Variants in FUT9 observed in about 807,000 individuals in gnomAD.
The protein encoded by FUT9 is fucosyltransferase 9.
FUT9 carries 15 observed loss-of-function variants against 29.7 expected under a neutral mutation model. The observed-to-expected ratio is 0.51, with a 90% CI of 0.34 to 0.78. The LOEUF is 0.78. FUT9 is among the 30% of genes least tolerant of loss of function. FUT9 has a pLI of 0.01. For missense variants in FUT9, 319 were observed against 425.4 expected, an observed-to-expected ratio of 0.75 and a Z score of 2.20; for synonymous variants, 169 against 153.7, an observed-to-expected ratio of 1.10 and a Z score of -0.74.
intron 1 of FUT9, among the ~76,000 whole-genome samples, chr6:96,052,465 T>C (rs1031497873): frequency 6.6e-6 from 1 of 152,184 alleles, no homozygotes; most frequent in Admixed American, 6.5e-5. Context: ...TCTTGGAAAA[T>C]GCATCACAAG....
chr6:96,145,501 G>A (rs1258306739), intron 2 of FUT9, among the ~76,000 whole-genome samples: 3 of 152,162 alleles, frequency 2.0e-5, no homozygotes, highest in Non-Finnish European at 2.9e-5. Context: ...GTTTGGAAAG[G>A]GGTAAAGTAA....
intron 2 of FUT9, among the ~76,000 whole-genome samples, chr6:96,182,889 G>C (rs1773335359): frequency 6.6e-6 from 1 of 152,076 alleles, no homozygotes; most frequent in Non-Finnish European, 1.5e-5. Flanking sequence ...CTCCAGATTT[G>C]TTCTTTTTGC....
chr6:96,058,548 T>C (rs553105315), intron 1 of FUT9, among the ~76,000 whole-genome samples: 79 of 149,138 alleles, frequency 5.3e-4, no homozygotes, highest in African/African-American at 1.9e-3. Flanking sequence ...GAAGACCTAA[T>C]GCAGTAGAAT....
intron 2 of FUT9, among the ~76,000 whole-genome samples, chr6:96,141,267 T>A (rs1383592758): frequency 6.6e-6 from 1 of 152,226 alleles, no homozygotes; most frequent in African/African-American, 2.4e-5. Flanking sequence ...GGCTTTTGTA[T>A]CATTTTTCCA....
At chr6:96,040,791 G>C (rs1280240640) in intron 1 of FUT9, among the ~76,000 whole-genome samples, 1 of 152,124 alleles carries the variant, frequency 6.6e-6, no homozygotes, top group African/African-American at 2.4e-5. Flanking sequence ...CCCTGGATTT[G>C]GCTTAGTGGT....
Position 96,203,469 on chromosome 6 carries a change from C to A in FUT9, c.314C>A (p.Ala105Glu). ...CGTTCACTGTACAACAAATCCCATG[C>A]AGTTCTGATCCATCACCGAGACATC... The part of the protein sequence containing the change: ...TDRSLYNKSH[A>E]VLIHHRDISW... The change falls in exon 3 of 3, where the codon GCA becomes GAA. Residue 105 changes from alanine (A) to glutamate (E), a missense_variant. Physicochemically the swap from Ala to Glu is moderately radical, Grantham distance 107 (BLOSUM62 -1). Coordinates refer to ENST00000302103, the MANE Select transcript of FUT9 (RefSeq NM_006581.4). 6.2e-7 allele frequency: 1 copy of A among 1,608,876 alleles called. No individual in the cohort carries two copies. The highest frequency in any genetic ancestry group is 8.5e-7 in the Non-Finnish European group (1 of 1,177,248).
intron 1 of FUT9, among the ~76,000 whole-genome samples, chr6:96,020,203 T>C (rs1770043713): frequency 6.6e-6 from 1 of 152,170 alleles, no homozygotes; most frequent in Non-Finnish European, 1.5e-5. Flanking sequence ...TAATTTTTAT[T>C]AGAAATTCCT....
At chr6:96,083,055 C>A (rs1168852517) in intron 1 of FUT9, among the ~76,000 whole-genome samples, 1 of 152,032 alleles carries the variant, frequency 6.6e-6, no homozygotes, top group African/African-American at 2.4e-5. Context: ...CCCTATAGTC[C>A]ATTCTCCTTA....
chr6:96,018,254 C>T (rs1430573072), intron 1 of FUT9, among the ~76,000 whole-genome samples: 1 of 152,036 alleles, frequency 6.6e-6, no homozygotes, highest in Non-Finnish European at 1.5e-5. Flanking sequence ...GTATCAGAAT[C>T]GATACATCCC....
chr6:96,069,435 G>A (rs1400392188), intron 1 of FUT9, among the ~76,000 whole-genome samples: 15 of 151,614 alleles, frequency 9.9e-5, no homozygotes, highest in Non-Finnish European at 1.5e-5. Flanking sequence ...TGAGAAGATT[G>A]GAAAAAATCT....
intron 2 of FUT9, among the ~76,000 whole-genome samples, chr6:96,125,294 A>G (rs1447494506): frequency 1.3e-5 from 2 of 152,184 alleles, no homozygotes; most frequent in Non-Finnish European, 2.9e-5. Context: ...CATGAGGCCT[A>G]ATGTCAAAAG....
At chr6:96,141,200 CTG>C (rs1772456005) in intron 2 of FUT9, among the ~76,000 whole-genome samples, 1 of 152,210 alleles carries the variant, frequency 6.6e-6, no homozygotes, top group African/African-American at 2.4e-5. Context: ...ATTTTTATTA[CTG>C]TTTTTATACT....
intron 1 of FUT9, among the ~76,000 whole-genome samples, chr6:96,050,560 C>T (rs924193138): frequency 6.6e-6 from 1 of 152,210 alleles, no homozygotes; most frequent in African/African-American, 2.4e-5. Context: ...GGATATCTTG[C>T]TCTTGTCAAA....
At chr6:96,105,515 G>A (rs535808564) in intron 1 of FUT9, among the ~76,000 whole-genome samples, 1 of 152,208 alleles carries the variant, frequency 6.6e-6, no homozygotes, top group African/African-American at 2.4e-5. Context: ...GGACTAGTAT[G>A]TCTTCTTTGT....
chr6:96,194,405 A>G (rs1409207652), intron 2 of FUT9, among the ~76,000 whole-genome samples: 3 of 152,112 alleles, frequency 2.0e-5, no homozygotes. Context: ...TACTGTGAAC[A>G]AATTGAAAGG....
intron 2 of FUT9, 61 bp from the exon 3 acceptor site, chr6:96,203,087 A>G (rs1005513508): frequency 1.6e-6 from 2 of 1,257,298 alleles, no homozygotes; most frequent in Non-Finnish European, 1.1e-6. Flanking sequence ...TCTCCAATAT[A>G]TTTATGATTT....
rs550538041 is a variant in FUT9, at chr6:96,056,641, T to C, written c.-98+40429T>C. On this transcript the variant is annotated intron_variant, in intron 1 of 2. Transcript: ENST00000302103. ...GGCATGTGCCTGTAGTCCCAGGTACTTGCGAGGATGAAGCAGGAGGATCGC... is the reference window on the plus strand; with the variant it reads ...GGCATGTGCCTGTAGTCCCAGGTACCTGCGAGGATGAAGCAGGAGGATCGC... 1.9e-4 allele frequency among the ~76,000 whole-genome samples: 29 copies of C among 152,186 alleles called. 2 individuals carry two copies. In the South Asian group the frequency reaches 6.0e-3, roughly 32 times the overall value.
rs775591191 is a variant in FUT9 at position 96,205,337 on chromosome 6, A to G, written c.*1102A>G. On this transcript the variant is annotated 3_prime_UTR_variant, in exon 3 of 3. Transcript: ENST00000302103. ...AAACACACAGTGTTAGCACACAGTA[A>G]GATCTCAATGCACATTTGTTGGATG... The G allele has an allele frequency of 3.6e-5, 6 of 167,082 alleles. No homozygotes were observed. The highest frequency in any genetic ancestry group is 8.8e-5 in the Non-Finnish European group (6 of 68,096). 10.3% of individuals were successfully genotyped at this position (167,082 alleles called of 1,614,324 possible).
intron 2 of FUT9, among the ~76,000 whole-genome samples, chr6:96,147,978 G>C (rs1041382633): frequency 6.6e-6 from 1 of 151,598 alleles, no homozygotes; most frequent in Non-Finnish European, 1.5e-5. Flanking sequence ...GAGTACCGAA[G>C]CGAAAATTAG....
Sources: gnomAD v4.1 joint callset for allele counts (sites outside exome capture counted in the v4.1 genomes callset) on GRCh38, gnomAD v4.1.1 for gene constraint, MANE v1.5 for transcripts, NCBI Gene and HGNC (gene_info 2026-07-23, HGNC 2026-07-21) for gene names.